TOP6BL: variants seen among roughly 807,000 people sequenced by gnomAD.
TOP6BL encodes the protein TOP6B like initiator of meiotic double strand breaks.
At chr11:66,839,234 C>G in the TOP6BL span, 1 of 455,756 alleles carries the variant, frequency 2.2e-6, no homozygotes, top group Non-Finnish European at 4.4e-6. Flanking sequence ...TTAAAATGTA[C>G]TAATGCTCTT....
At chr11:66,840,312 T>C in the TOP6BL span, among the ~76,000 whole-genome samples, 1 of 152,162 alleles carries the variant, frequency 6.6e-6, no homozygotes, top group Non-Finnish European at 1.5e-5. Flanking sequence ...GCTTCATACT[T>C]ACGGATCTCT....
At chr11:66,759,000 A>G in the TOP6BL span, 5 of 1,419,420 alleles carry the variant, frequency 3.5e-6, no homozygotes, top group South Asian at 4.0e-5. Flanking sequence ...AATAGAATGC[A>G]TTTACTTATT....
the TOP6BL span, chr11:66,814,062 A>G: frequency 1.3e-6 from 2 of 1,536,908 alleles, no homozygotes; most frequent in Non-Finnish European, 1.8e-6. Flanking sequence ...TTTGAAGAAT[A>G]TTAGATAAAT....
At chr11:66,836,452 G>A in the TOP6BL span, among the ~76,000 whole-genome samples, 10 of 151,642 alleles carry the variant, frequency 6.6e-5, no homozygotes, top group South Asian at 4.2e-4. Flanking sequence ...TTTGTGATCC[G>A]CCCACCTCGG....
chr11:66,773,461 A>G, the TOP6BL span, among the ~76,000 whole-genome samples: 1 of 151,352 alleles, frequency 6.6e-6, no homozygotes, highest in Non-Finnish European at 1.5e-5. Context: ...TTTCCTTATT[A>G]TCTTTCTAAT....
the TOP6BL span, among the ~76,000 whole-genome samples, chr11:66,807,848 A>G: frequency 2.0e-5 from 3 of 152,216 alleles, no homozygotes; most frequent in Non-Finnish European, 4.4e-5. Flanking sequence ...GCCTTGGGCA[A>G]GGGATAACTA....
At chr11:66,839,553 C>T in the TOP6BL span, among the ~76,000 whole-genome samples, 1 of 152,204 alleles carries the variant, frequency 6.6e-6, no homozygotes, top group African/African-American at 2.4e-5. Flanking sequence ...ACAACCACAA[C>T]ACATACGCGT....
chr11:66,786,314 TTC>T, the TOP6BL span, among the ~76,000 whole-genome samples: 1 of 151,804 alleles, frequency 6.6e-6, no homozygotes, highest in Admixed American at 6.6e-5. Context: ...AAAAAAAAAT[TTC>T]TGTTTTCTTT....
At chr11:66,803,696 A>T in the TOP6BL span, among the ~76,000 whole-genome samples, 1 of 152,172 alleles carries the variant, frequency 6.6e-6, no homozygotes, top group Non-Finnish European at 1.5e-5. Context: ...AAGTGCTGGG[A>T]TTACAGGCAT....
At chr11:66,775,028 A>G in the TOP6BL span, among the ~76,000 whole-genome samples, 1 of 144,880 alleles carries the variant, frequency 6.9e-6, no homozygotes, top group Admixed American at 7.5e-5. Flanking sequence ...TGAGAGACCC[A>G]CTTGAACCCA....
the TOP6BL span, among the ~76,000 whole-genome samples, chr11:66,821,108 A>G: frequency 6.6e-6 from 1 of 151,910 alleles, no homozygotes; most frequent in Non-Finnish European, 1.5e-5. Flanking sequence ...TTTCTAAAGA[A>G]CTCGGATTCC....
the TOP6BL span, among the ~76,000 whole-genome samples, chr11:66,765,143 G>A: frequency 1.9e-4 from 29 of 152,250 alleles, no homozygotes; most frequent in East Asian, 3.1e-3. Flanking sequence ...GTGAAAAGCC[G>A]TGTAACTACA....
chr11:66,832,532 T>A, the TOP6BL span, among the ~76,000 whole-genome samples: 1 of 152,348 alleles, frequency 6.6e-6, no homozygotes, highest in South Asian at 2.1e-4. Context: ...AAGCATCTTA[T>A]GGACTTTACC....
the TOP6BL span, among the ~76,000 whole-genome samples, chr11:66,837,977 C>T: frequency 3.9e-5 from 6 of 152,270 alleles, no homozygotes; most frequent in Non-Finnish European, 5.9e-5. Flanking sequence ...AGGCACTCTG[C>T]TAGCTGTAAA....
chr11:66,837,477 A>G, the TOP6BL span, among the ~76,000 whole-genome samples: 5 of 124,086 alleles, frequency 4.0e-5, no homozygotes, highest in South Asian at 7.4e-4. Context: ...ATGGAGTCTC[A>G]CTCATCACCC....
At chr11:66,828,343 C>T in the TOP6BL span, 1 of 1,613,268 alleles carries the variant, frequency 6.2e-7, no homozygotes, top group Non-Finnish European at 8.5e-7. Context: ...TTCTTCACCA[C>T]TGCTCATGTG....
chr11:66,784,916 AT>A, the TOP6BL span, among the ~76,000 whole-genome samples: 1 of 132,684 alleles, frequency 7.5e-6, no homozygotes, highest in Admixed American at 7.2e-5. Flanking sequence ...TGTATCTTTA[AT>A]TTCTTTTCTT....
the TOP6BL span, chr11:66,745,009 G>T: frequency 2.5e-6 from 3 of 1,202,622 alleles, no homozygotes; most frequent in Non-Finnish European, 3.1e-6. Flanking sequence ...GAGGGGTCGG[G>T]CGTCGCCTAA....
chr11:66,821,575 T>A, the TOP6BL span: 1 of 1,511,770 alleles, frequency 6.6e-7, no homozygotes, highest in Non-Finnish European at 9.0e-7. Flanking sequence ...AATTTAAGAC[T>A]AGCTTTTGCA....
Sources: gnomAD v4.1 joint callset for allele counts (sites outside exome capture counted in the v4.1 genomes callset) on GRCh38, gnomAD v4.1.1 for gene constraint, MANE v1.5 for transcripts, NCBI Gene and HGNC (gene_info 2026-07-23, HGNC 2026-07-21) for gene names.